GRIP2: variants seen among roughly 807,000 people sequenced by gnomAD.
GRIP2 encodes glutamate receptor interacting protein 2, also known as glutamate receptor-interacting protein 2.
In GRIP2, 58 loss-of-function variants were observed where a neutral mutation model predicts 108.3. That is an observed-to-expected ratio of 0.54 (90% CI 0.43 to 0.67). The LOEUF is 0.67. GRIP2 is among the 30% of genes least tolerant of loss of function. GRIP2 has a pLI of 0.00. For missense variants in GRIP2, 1,278 were observed against 1,430.6 expected (o/e 0.89, Z 1.72); for synonymous variants, 586 against 598.2 (o/e 0.98, Z 0.30).
chr3:14,531,801 T>C (rs1221277097), intron 1 of GRIP2, among the ~76,000 whole-genome samples: 1 of 152,106 alleles, frequency 6.6e-6, no homozygotes, highest in Non-Finnish European at 1.5e-5. Flanking sequence ...GCGGGTTATG[T>C]TTTTCACATT....
At chr3:14,494,772 C>T (rs2124826579) in intron 23 of GRIP2, 71 bp downstream of exon 23, 2 of 1,516,458 alleles carry the variant, frequency 1.3e-6, no homozygotes, top group Non-Finnish European at 1.8e-6. Flanking sequence ...GCGATAGATG[C>T]AGGCTCTTTC....
At chr3:14,569,248 T>C in the GRIP2 span, among the ~76,000 whole-genome samples, 1 of 152,360 alleles carries the variant, frequency 6.6e-6, no homozygotes, top group South Asian at 2.1e-4. Context: ...GAATTACAAC[T>C]TCTGGGGAAG....
the GRIP2 span, among the ~76,000 whole-genome samples, chr3:14,577,004 C>G: frequency 6.6e-6 from 1 of 152,238 alleles, no homozygotes; most frequent in African/African-American, 2.4e-5. Context: ...TTCATCAACA[C>G]ATTTCTTTGC....
rs780186939 is a variant in GRIP2 at position 14,521,594 on chromosome 3, C to A, written c.712+48G>T. The A allele has an allele frequency of 5.8e-6, 9 of 1,545,564 alleles. No individual in the cohort carries two copies. The highest frequency in any genetic ancestry group is 7.9e-6 in the Non-Finnish European group (9 of 1,141,790). On this transcript the variant is annotated intron_variant, in intron 7 of 23. Transcript: ENST00000621039. This position sits in a 1 kb window ranked among gnomAD's most constrained non-coding sequence, Gnocchi z 5.1. ...CATGGCCACTGCCACCTCCCCCCAT[C>A]CCAGGCCTCCTCCTGCCCCAACCCA...
chr3:14,570,907 T>A, the GRIP2 span, among the ~76,000 whole-genome samples: 42 of 152,156 alleles, frequency 2.8e-4, no homozygotes, highest in Non-Finnish European at 5.4e-4. Flanking sequence ...AGATGTAACT[T>A]TTTTTAGGTC....
At chr3:14,554,809 C>T (rs1386614749) in intron 1 of GRIP2, among the ~76,000 whole-genome samples, 1 of 152,182 alleles carries the variant, frequency 6.6e-6, no homozygotes, top group Non-Finnish European at 1.5e-5. Context: ...CCTCACTTTC[C>T]TCCTCTGCAC....
At chr3:14,523,155 G>A in intron 5 of GRIP2, 80 bp from the exon 6 acceptor site, 3 of 1,053,998 alleles carry the variant, frequency 2.8e-6, no homozygotes, top group Non-Finnish European at 4.2e-6. Context: ...CCCTGAGCAG[G>A]CTCCTTCAAT....
chr3:14,495,319 C>T (rs1347675963), intron 22 of GRIP2, among the ~76,000 whole-genome samples: 1 of 152,218 alleles, frequency 6.6e-6, no homozygotes, highest in Non-Finnish European at 1.5e-5. Context: ...GTCACTCATT[C>T]CCATTTACCA....
the GRIP2 span, chr3:14,602,347 C>A: frequency 3.6e-4 from 55 of 151,896 alleles, no homozygotes; most frequent in African/African-American, 1.3e-3. The surrounding 1 kb of genome is among the most constrained non-coding windows in gnomAD (Gnocchi z 4.7). Context: ...GGCAGTGCGG[C>A]GAGTCAGCCC....
At chr3:14,551,707 G>A (rs943577567) in intron 1 of GRIP2, among the ~76,000 whole-genome samples, 1 of 152,186 alleles carries the variant, frequency 6.6e-6, no homozygotes, top group Non-Finnish European at 1.5e-5. Flanking sequence ...GGGTCCCTTG[G>A]ACCCAGCAGG....
chr3:14,570,822 A>C, the GRIP2 span, among the ~76,000 whole-genome samples: 2 of 152,250 alleles, frequency 1.3e-5, no homozygotes, highest in African/African-American at 4.8e-5. Context: ...CCTGATGTGC[A>C]ATTCAACCTA....
intron 23 of GRIP2, among the ~76,000 whole-genome samples, 200 bp downstream of exon 23, chr3:14,494,643 C>A (rs1359402793): frequency 6.6e-6 from 1 of 152,210 alleles, no homozygotes; most frequent in Non-Finnish European, 1.5e-5. Flanking sequence ...CCACAATGGG[C>A]ATGGGGTGTA....
At chr3:14,559,560 TTC>T (rs1390819075), upstream of GRIP2, among the ~76,000 whole-genome samples, 2 of 151,978 alleles carry the variant, frequency 1.3e-5, no homozygotes, top group Non-Finnish European at 2.9e-5. Flanking sequence ...GTCGGTGTAT[TTC>T]TCTGCCTCGT....
At chr3:14,555,781 G>T in intron 1 of GRIP2, 1 of 399,490 alleles carries the variant, frequency 2.5e-6, no homozygotes, top group East Asian at 3.6e-5. Context: ...AGATGCAGCA[G>T]AGAAACCCAA....
At chr3:14,590,277 G>A in the GRIP2 span, among the ~76,000 whole-genome samples, 1 of 152,060 alleles carries the variant, frequency 6.6e-6, no homozygotes, top group Non-Finnish European at 1.5e-5. Flanking sequence ...GCTCCTGGAC[G>A]CTTACTTTTC....
the GRIP2 span, chr3:14,573,092 C>T: frequency 7.1e-7 from 1 of 1,404,310 alleles, no homozygotes; most frequent in African/African-American, 1.4e-5. Flanking sequence ...CACTGATGAA[C>T]CCCGAAATGT....
chr3:14,564,299 C>T, the GRIP2 span, among the ~76,000 whole-genome samples: 1 of 152,210 alleles, frequency 6.6e-6, no homozygotes. Flanking sequence ...AATCGTGGGC[C>T]GCGTGGGTGG....
intron 4 of GRIP2, 200 bp downstream of exon 4, chr3:14,524,193 A>G: frequency 4.9e-6 from 3 of 607,144 alleles, no homozygotes; most frequent in Non-Finnish European, 8.7e-6. Context: ...CATTGGCTAT[A>G]GAGTCCCACC....
At chr3:14,541,861 G>A (rs1694977758), upstream of GRIP2, 1 of 1,319,548 alleles carries the variant, frequency 7.6e-7, no homozygotes, top group African/African-American at 1.5e-5. Context: ...GCAGGGACGG[G>A]GGTACACGCA....
Sources: gnomAD v4.1 joint callset for allele counts (sites outside exome capture counted in the v4.1 genomes callset) on GRCh38, gnomAD v4.1.1 for gene constraint, Gnocchi (gnomAD v3.1) non-coding constraint, MANE v1.5 for transcripts, NCBI Gene and HGNC (gene_info 2026-07-23, HGNC 2026-07-21) for gene names.